ATXN7: variants seen among roughly 807,000 people sequenced by gnomAD.
The protein encoded by ATXN7 is ataxin 7.
A neutral mutation model predicts 70.5 loss-of-function variants in ATXN7; 12 were observed. The observed-to-expected ratio is 0.17, with a 90% CI of 0.11 to 0.28. ATXN7 has a LOEUF of 0.28. Among genes scored for constraint, ATXN7 ranks in the 10% least tolerant of loss-of-function variants. The pLI is 1.00. For synonymous variants in ATXN7, 498 were observed against 448.7 expected, an observed-to-expected ratio of 1.11 and a Z score of -1.39; for missense variants, 1,256 against 1,131.7, an observed-to-expected ratio of 1.11 and a Z score of -1.58.
intron 4 of ATXN7, among the ~76,000 whole-genome samples, chr3:63,919,450 G>C (rs561690681): frequency 1.3e-5 from 2 of 152,104 alleles, no homozygotes; most frequent in Non-Finnish European, 2.9e-5. Flanking sequence ...TTGAAGGGGA[G>C]AATCTTCAAA....
At chr3:63,897,666 C>A (rs72878795) in intron 1 of ATXN7, among the ~76,000 whole-genome samples, 2,772 of 152,266 alleles carry the variant, frequency 0.018, 93 homozygotes, top group African/African-American at 0.06. Context: ...CTGTCTTGTG[C>A]TTTATACCTT....
chr3:63,963,090 AT>A (rs1275498451), intron 5 of ATXN7, among the ~76,000 whole-genome samples: 2 of 151,250 alleles, frequency 1.3e-5, no homozygotes, highest in African/African-American at 4.9e-5. Flanking sequence ...TAATTTTTGT[AT>A]TTTTTGTAGA....
chr3:63,945,371 C>T (rs760457692), intron 4 of ATXN7, among the ~76,000 whole-genome samples: 161 of 152,212 alleles, frequency 1.1e-3, no homozygotes, highest in Non-Finnish European at 1.9e-3. Context: ...AATTTGTCAA[C>T]ATGCAGATTT....
rs537500103 is a variant in ATXN7 at position 64,002,146 on chromosome 3, T to C, written c.*2679T>C. ...GACATATTTTGTTAAAAATGAATTG[T>C]ACATATTTAAATATGTATTTTTGCA... On this transcript the variant is annotated 3_prime_UTR_variant, in exon 13 of 13. Transcript: ENST00000674280. 1 of 152,778 alleles carries C rather than the reference T, an allele frequency of 6.5e-6. No homozygotes were observed. The highest frequency in any genetic ancestry group is 2.4e-5 in the African/African-American group (1 of 41,588). The allele number at this position is 152,778 out of a possible 1,614,324, so 9.5% of individuals were successfully genotyped here.
At chr3:63,956,588 G>T (rs150766499) in intron 5 of ATXN7, among the ~76,000 whole-genome samples, 1 of 152,216 alleles carries the variant, frequency 6.6e-6, no homozygotes, top group African/African-American at 2.4e-5. Context: ...GCTCTGAGTG[G>T]GAATTTCCAG....
At chr3:63,877,771 T>C (rs1261385011) in intron 1 of ATXN7, among the ~76,000 whole-genome samples, 1 of 152,210 alleles carries the variant, frequency 6.6e-6, no homozygotes, top group Non-Finnish European at 1.5e-5. Flanking sequence ...TTCACAAATA[T>C]AGTATCCTTC....
rs901836788 is a variant in ATXN7 at position 63,943,352 on chromosome 3, A to C, written c.395-9027A>C. Among the ~76,000 whole-genome samples, 14 of 152,216 alleles carry C rather than the reference A, an allele frequency of 9.2e-5. 1 individual carries two copies. The highest frequency in any genetic ancestry group is 8.5e-4 in the Admixed American group (13 of 15,280). On this transcript the variant is annotated intron_variant, in intron 4 of 12. Transcript: ENST00000674280. ...GTTATTATTCTGACTACATTGTAGAACCACTGAGGAGATTAATTGGGCCTG... is the reference window on the plus strand; with the variant it reads ...GTTATTATTCTGACTACATTGTAGACCCACTGAGGAGATTAATTGGGCCTG...
At chr3:63,986,815 C>T (rs1469567719) in intron 8 of ATXN7, among the ~76,000 whole-genome samples, 1 of 152,156 alleles carries the variant, frequency 6.6e-6, no homozygotes, top group Non-Finnish European at 1.5e-5. Flanking sequence ...TAGTTAGAAG[C>T]ATAATTCCCT....
intron 1 of ATXN7, among the ~76,000 whole-genome samples, chr3:63,890,455 A>G (rs1376600010): frequency 1.3e-5 from 2 of 152,196 alleles, no homozygotes; most frequent in Non-Finnish European, 2.9e-5. Context: ...TTAACCCATC[A>G]ATGTAACATG....
intron 8 of ATXN7, among the ~76,000 whole-genome samples, chr3:63,987,611 T>G (rs1476300176): frequency 6.6e-6 from 1 of 152,238 alleles, no homozygotes; most frequent in African/African-American, 2.4e-5. Context: ...AAGAACACTT[T>G]CTGATACATG....
chr3:63,945,452 A>G (rs1451231492), intron 4 of ATXN7, among the ~76,000 whole-genome samples: 1 of 152,222 alleles, frequency 6.6e-6, no homozygotes, highest in African/African-American at 2.4e-5. Flanking sequence ...TTCAGGGAAG[A>G]CTATTGAACT....
In ATXN7 at chr3:63,912,684, G is replaced by GGCAGCAGCAGCAGCAGCAGCA. The variant is rs193922929; in HGVS notation, c.98_118dup (p.Gln33_Gln39dup). ...GGCGGAGCAGCGGCCGCGGCCGCCC[G>GGCAGCAGCAGCAGCAGCAGCA]GCAGCAGCAGCAGCAGCAGCAGCAG... is the stretch of plus-strand genomic sequence containing the variant. On this transcript the variant is annotated inframe_insertion, in exon 3 of 13. Coordinates refer to ENST00000674280, the MANE Select transcript of ATXN7 (RefSeq NM_001377405.1). 2.2e-4 allele frequency: 239 copies of GGCAGCAGCAGCAGCAGCAGCA among 1,087,142 alleles called. 1 individual carries two copies. The highest frequency in any genetic ancestry group is 1.9e-3 in the African/African-American group (111 of 57,706). The allele number at this position is 1,087,142 out of a possible 1,614,324, so 67.3% of individuals were successfully genotyped here.
chr3:63,977,873 G>C (rs2075415560), intron 5 of ATXN7, among the ~76,000 whole-genome samples: 1 of 152,224 alleles, frequency 6.6e-6, no homozygotes, highest in African/African-American at 2.4e-5. Context: ...AAATTAAAAT[G>C]TTGAGTTTTA....
intron 6 of ATXN7, among the ~76,000 whole-genome samples, chr3:63,981,947 G>A (rs924332685): frequency 6.6e-6 from 1 of 152,144 alleles, no homozygotes; most frequent in African/African-American, 2.4e-5. Context: ...AAAATTTTTT[G>A]AAATGATGAA....
At chr3:63,919,767 C>T (rs149982338) in intron 4 of ATXN7, among the ~76,000 whole-genome samples, 1,247 of 118,666 alleles carry the variant, frequency 0.011, 9 homozygotes, top group Middle Eastern at 0.036. Flanking sequence ...CACCCCACAA[C>T]AGTCCCAGGT....
chr3:63,954,714 T>A (rs533086717), intron 5 of ATXN7, among the ~76,000 whole-genome samples: 1 of 148,028 alleles, frequency 6.8e-6, no homozygotes, highest in African/African-American at 2.5e-5. Flanking sequence ...TTTTTTTGTT[T>A]TTTTTTTTTT....
At chr3:63,970,602 A>G (rs1299880538) in intron 5 of ATXN7, among the ~76,000 whole-genome samples, 2 of 152,160 alleles carry the variant, frequency 1.3e-5, no homozygotes, top group Non-Finnish European at 2.9e-5. Flanking sequence ...TAACTTTTTC[A>G]TATTTCTCAC....
chr3:63,986,528 G>A (rs1177211153), intron 8 of ATXN7, among the ~76,000 whole-genome samples: 5 of 152,086 alleles, frequency 3.3e-5, no homozygotes, highest in African/African-American at 9.7e-5. Context: ...ATGTTCATTC[G>A]TTCTTTCAAC....
chr3:63,943,627 T>C (rs2074807899), intron 4 of ATXN7, among the ~76,000 whole-genome samples: 1 of 152,176 alleles, frequency 6.6e-6, no homozygotes, highest in African/African-American at 2.4e-5. Context: ...AATGAGAATA[T>C]TGAGGTATAG....
Sources: gnomAD v4.1 joint callset for allele counts (sites outside exome capture counted in the v4.1 genomes callset) on GRCh38, gnomAD v4.1.1 for gene constraint, MANE v1.5 for transcripts, NCBI Gene and HGNC (gene_info 2026-07-23, HGNC 2026-07-21) for gene names.